Variants in GPC5 observed in about 807,000 individuals in gnomAD.
GPC5 encodes the protein glypican 5.
A neutral mutation model predicts 53.9 loss-of-function variants in GPC5; 47 were observed. The observed-to-expected ratio is 0.87, with a 90% CI of 0.69 to 1.11. The LOEUF (loss-of-function observed/expected upper bound fraction) is 1.11. Ranked by LOEUF, GPC5 falls within the 50% of genes most tolerant of loss-of-function variation. The pLI is 0.00. For synonymous variants in GPC5, 286 were observed against 263.3 expected (o/e 1.09, Z -0.84); for missense variants, 748 against 713.1 (o/e 1.05, Z -0.56).
intron 6 of GPC5, among the ~76,000 whole-genome samples, chr13:92,053,500 A>AT (rs775064209): frequency 4.6e-4 from 70 of 152,098 alleles, no homozygotes; most frequent in Admixed American, 1.4e-3. Flanking sequence ...TGTCTGCAAG[A>AT]TTTTTTATTT....
intron 2 of GPC5, among the ~76,000 whole-genome samples, chr13:91,451,748 G>T (rs1211113070): frequency 2.0e-5 from 3 of 152,062 alleles, no homozygotes; most frequent in African/African-American, 2.4e-5. Flanking sequence ...CTCCCGAGCA[G>T]CTGGGATTAC....
intron 1 of GPC5, among the ~76,000 whole-genome samples, chr13:91,424,917 A>T (rs911764567): frequency 2.0e-5 from 3 of 152,172 alleles, no homozygotes; most frequent in Admixed American, 6.5e-5. Context: ...ATGTTGAACC[A>T]ATACAGAATT....
At chr13:92,571,314 G>A (rs1424121697) in intron 7 of GPC5, among the ~76,000 whole-genome samples, 3 of 152,176 alleles carry the variant, frequency 2.0e-5, no homozygotes, top group African/African-American at 4.8e-5. Context: ...TTTCATAACA[G>A]AGCAAGTTGA....
At chr13:91,446,421 T>C (rs1880806757) in intron 1 of GPC5, among the ~76,000 whole-genome samples, 1 of 152,182 alleles carries the variant, frequency 6.6e-6, no homozygotes, top group Non-Finnish European at 1.5e-5. Context: ...TTTTGGAGTT[T>C]GATTTTACTG....
At chr13:92,031,755 TATTAC>T (rs1467290604) in intron 6 of GPC5, among the ~76,000 whole-genome samples, 2 of 101,556 alleles carry the variant, frequency 2.0e-5, no homozygotes, top group Non-Finnish European at 1.8e-5. Flanking sequence ...ATATATATTA[TATTAC>T]ATATTATATA....
At chr13:92,459,758 A>G (rs2139408369) in intron 7 of GPC5, among the ~76,000 whole-genome samples, 1 of 152,236 alleles carries the variant, frequency 6.6e-6, no homozygotes, top group South Asian at 2.1e-4. Context: ...TTGATATATA[A>G]CCTATGTCAG....
chr13:91,526,079 G>T (rs1886073659), intron 2 of GPC5, among the ~76,000 whole-genome samples: 1 of 152,060 alleles, frequency 6.6e-6, no homozygotes, highest in African/African-American at 2.4e-5. Context: ...TTCTCCCCAG[G>T]TAACATCAAA....
At position 92,730,684 on chromosome 13, in the gene GPC5, TG is replaced by T. The variant is rs1888777258; in HGVS notation, c.1562-135597del. Among the ~76,000 whole-genome samples the T allele has an allele frequency of 4.0e-5, 6 of 151,468 alleles. No individual in the cohort carries two copies. In the South Asian group the frequency reaches 1.2e-3, roughly 31 times the overall value. On this transcript the variant is annotated intron_variant, in intron 7 of 7. Transcript: ENST00000377067. Reference sequence around the variant, plus strand: ...TCTTTTCTCCATTTACTTGCCTTACTGTTTCTCTGGAGAGAGAAGGTGAAGG... The same window carrying T: ...TCTTTTCTCCATTTACTTGCCTTACTTTTCTCTGGAGAGAGAAGGTGAAGG...
chr13:92,806,190 T>C (rs1877094400), intron 7 of GPC5, among the ~76,000 whole-genome samples: 1 of 152,238 alleles, frequency 6.6e-6, no homozygotes, highest in East Asian at 1.9e-4. Context: ...ACTTTTATGT[T>C]ACGGAGATGG....
chr13:92,425,714 A>G (rs939319333), intron 7 of GPC5, among the ~76,000 whole-genome samples: 2 of 152,056 alleles, frequency 1.3e-5, no homozygotes, highest in African/African-American at 2.4e-5. Context: ...TCAACTTTAG[A>G]CAGTGCCTCT....
At chr13:92,852,871 G>C (rs1878861845) in intron 7 of GPC5, among the ~76,000 whole-genome samples, 1 of 152,156 alleles carries the variant, frequency 6.6e-6, no homozygotes, top group African/African-American at 2.4e-5. Flanking sequence ...ACTAAAAGGG[G>C]CCATTGCTGC....
At chr13:91,835,535 C>T (rs1476180468) in intron 5 of GPC5, among the ~76,000 whole-genome samples, 2 of 152,152 alleles carry the variant, frequency 1.3e-5, no homozygotes, top group Non-Finnish European at 2.9e-5. Context: ...CACATATACA[C>T]CATGGAATAC....
chr13:91,554,824 A>G (rs1847528997), intron 2 of GPC5, among the ~76,000 whole-genome samples: 1 of 152,110 alleles, frequency 6.6e-6, no homozygotes, highest in South Asian at 2.1e-4. Flanking sequence ...AAGTTATTAC[A>G]GAAATCTCTG....
At chr13:92,731,350 T>G (rs1347839088) in intron 7 of GPC5, among the ~76,000 whole-genome samples, 1 of 151,342 alleles carries the variant, frequency 6.6e-6, no homozygotes, top group Non-Finnish European at 1.5e-5. Flanking sequence ...AAAAATACAG[T>G]GGTGACTGTG....
chr13:92,862,848 C>T (rs564951199), intron 7 of GPC5, among the ~76,000 whole-genome samples: 33 of 152,256 alleles, frequency 2.2e-4, no homozygotes, highest in Admixed American at 1.4e-3. Flanking sequence ...TGTCTCTAAA[C>T]ATACTTGCCT....
At chr13:92,031,626 G>A (rs1289141196) in intron 6 of GPC5, among the ~76,000 whole-genome samples, 1 of 137,422 alleles carries the variant, frequency 7.3e-6, no homozygotes, top group Non-Finnish European at 1.5e-5. Flanking sequence ...TATGGAACCA[G>A]CCCAAATGCC....
intron 2 of GPC5, among the ~76,000 whole-genome samples, chr13:91,680,691 G>C (rs1376733574): frequency 6.6e-6 from 1 of 152,154 alleles, no homozygotes; most frequent in Admixed American, 6.5e-5. Context: ...GATCTGAAAA[G>C]CCTATTAAAT....
intron 6 of GPC5, among the ~76,000 whole-genome samples, chr13:92,031,957 A>C (rs1324353616): frequency 8.1e-6 from 1 of 123,776 alleles, no homozygotes; most frequent in African/African-American, 3.0e-5. Flanking sequence ...TCCATCAGAT[A>C]TATTATATAA....
At chr13:92,110,681 C>T (rs1336358771) in intron 6 of GPC5, among the ~76,000 whole-genome samples, 1 of 152,186 alleles carries the variant, frequency 6.6e-6, no homozygotes, top group Non-Finnish European at 1.5e-5. Context: ...CATTTTAGTT[C>T]TCTAAGGCTA....
Sources: gnomAD v4.1 joint callset for allele counts (sites outside exome capture counted in the v4.1 genomes callset) on GRCh38, gnomAD v4.1.1 for gene constraint, MANE v1.5 for transcripts, NCBI Gene and HGNC (gene_info 2026-07-23, HGNC 2026-07-21) for gene names.